The following ANK2 variants were observed in gnomAD, a reference collection of about 807,000 sequenced individuals.
ANK2 encodes ankyrin-2.
ANK2 carries 83 observed loss-of-function variants against 360.5 expected under a neutral mutation model. The observed-to-expected ratio is 0.23, with a 90% CI of 0.19 to 0.28. ANK2 has a LOEUF of 0.28. ANK2 is among the 10% of genes least tolerant of loss of function. The probability of loss-of-function intolerance (pLI) is 1.00; values close to 1 mark genes in which losing one functional copy is unlikely to be tolerated. For missense variants in ANK2, 4,201 were observed against 4,795.7 expected (o/e 0.88, Z 3.66); for synonymous variants, 1,740 against 1,759.5 (o/e 0.99, Z 0.28).
chr4:113,381,806 T>G lies in ANK2; in HGVS notation c.*335T>G, dbSNP rs940761068. ...TTAGTTTTCCCCCATCCTCTTTAAC[T>G]ATAAAGCTAATTTGTGACCAAAGAT... On this transcript the variant is annotated 3_prime_UTR_variant, in exon 46 of 46. Transcript: ENST00000357077. 2 of 611,594 alleles carry G rather than the reference T, an allele frequency of 3.3e-6. No individual in the cohort carries two copies. The highest frequency in any genetic ancestry group is 3.7e-5 in the African/African-American group (2 of 53,712). 37.9% of individuals were successfully genotyped at this position (611,594 alleles called of 1,614,324 possible).
At chr4:112,938,611 C>A (rs1368486967) in intron 2 of ANK2, among the ~76,000 whole-genome samples, 4 of 152,122 alleles carry the variant, frequency 2.6e-5, no homozygotes, top group Non-Finnish European at 5.9e-5. Context: ...AGAATGCATT[C>A]CAGTGGAGGC....
In ANK2 at chr4:113,318,627, A is replaced by G; in HGVS notation, c.2900+7A>G. On this transcript the variant is annotated splice_region_variant and intron_variant, in intron 26 of 45. Coordinates refer to ENST00000357077, the MANE Select transcript of ANK2 (RefSeq NM_001148.6). Reference sequence around the variant, plus strand: ...CTAGTCCTATTCATTCAGGGTGAGTAAATCAATATTATGTATCCTGATCAA... The same window carrying G: ...CTAGTCCTATTCATTCAGGGTGAGTGAATCAATATTATGTATCCTGATCAA... 6.3e-7 allele frequency: 1 copy of G among 1,596,694 alleles called. No homozygotes were observed. The highest frequency in any genetic ancestry group is 1.7e-4 in the Middle Eastern group (1 of 6,034).
At chr4:112,822,867 G>A (rs2057511233) in intron 1 of ANK2, among the ~76,000 whole-genome samples, 1 of 137,004 alleles carries the variant, frequency 7.3e-6, no homozygotes, top group South Asian at 2.4e-4. Context: ...ACCCACAAGA[G>A]ATTTAAAAAA....
the ANK2 span, among the ~76,000 whole-genome samples, chr4:112,718,778 C>T: frequency 6.6e-6 from 1 of 152,278 alleles, no homozygotes; most frequent in South Asian, 2.1e-4. Flanking sequence ...GCTGGGATTA[C>T]AGGCATGTGC....
intron 2 of ANK2, among the ~76,000 whole-genome samples, chr4:113,180,075 G>A (rs1161644091): frequency 6.6e-6 from 1 of 152,202 alleles, no homozygotes; most frequent in Admixed American, 6.5e-5. Flanking sequence ...CAAGGTCGAA[G>A]CACCATTTTC....
chr4:113,140,909 C>T (rs913591293), intron 1 of ANK2, among the ~76,000 whole-genome samples: 2 of 151,470 alleles, frequency 1.3e-5, no homozygotes, highest in African/African-American at 2.4e-5. Context: ...ACCCAGGAGG[C>T]GGAGGTTGCA....
At chr4:113,289,880 T>G (rs564136832) in intron 20 of ANK2, among the ~76,000 whole-genome samples, 1 of 152,308 alleles carries the variant, frequency 6.6e-6, no homozygotes, top group African/African-American at 2.4e-5. Context: ...CATTAGCTCC[T>G]AAAGCCTTTT....
In ANK2 at chr4:113,359,059, A is replaced by G; in HGVS notation, c.10441A>G (p.Ile3481Val). 6.2e-7 allele frequency: 1 copy of G among 1,614,080 alleles called. No homozygotes were observed. The highest frequency in any genetic ancestry group is 2.2e-5 in the East Asian group (1 of 44,876). The change falls in exon 38 of 46, where the codon ATT becomes GTT. Residue 3481 changes from isoleucine (I) to valine (V), a missense_variant. This residue lies in a region of ANK2 where 2,642 missense variants were observed against 2,714.5 expected (regional missense o/e 0.97). Transcript: ENST00000357077. Reference sequence around the variant, plus strand: ...AAATTCCATAGAATTCTTTGAGGAGATTAGTGATGAGGCTTCCAAATTAGT... The same window carrying G: ...AAATTCCATAGAATTCTTTGAGGAGGTTAGTGATGAGGCTTCCAAATTAGT... The part of the protein sequence containing the change: ...YRNSIEFFEE[I>V]SDEASKLVDR...
At chr4:112,941,649 A>G (rs888954460) in intron 2 of ANK2, among the ~76,000 whole-genome samples, 6 of 145,344 alleles carry the variant, frequency 4.1e-5, no homozygotes, top group Non-Finnish European at 6.0e-5. Context: ...ATATATAAAT[A>G]TATAGATATA....
At chr4:113,027,427 GA>G (rs2059516487) in intron 2 of ANK2, among the ~76,000 whole-genome samples, 1 of 152,098 alleles carries the variant, frequency 6.6e-6, no homozygotes, top group Non-Finnish European at 1.5e-5. Flanking sequence ...TCTGAGCCAA[GA>G]GTGTTCTGTG....
chr4:113,332,112 A>G (rs1588403368), intron 28 of ANK2, 42 bp downstream of exon 28: 2 of 1,485,804 alleles, frequency 1.3e-6, no homozygotes, highest in Non-Finnish European at 1.9e-6. Flanking sequence ...CTGGCCCCCC[A>G]TTCTTCTCCT....
At chr4:112,982,895 TTGCAATCTG>T (rs1360370748) in intron 2 of ANK2, among the ~76,000 whole-genome samples, 1 of 152,220 alleles carries the variant, frequency 6.6e-6, no homozygotes, top group Non-Finnish European at 1.5e-5. Context: ...AAAAGCTGTT[TTGCAATCTG>T]TGCAGTAGAA....
At chr4:113,227,483 C>G (rs1250672163) in intron 4 of ANK2, among the ~76,000 whole-genome samples, 1 of 152,160 alleles carries the variant, frequency 6.6e-6, no homozygotes, top group Non-Finnish European at 1.5e-5. Context: ...CTATAACAAA[C>G]TTTTCAAGGC....
intron 2 of ANK2, among the ~76,000 whole-genome samples, chr4:112,950,972 C>T (rs1321357636): frequency 5.5e-5 from 8 of 146,600 alleles, no homozygotes; most frequent in Non-Finnish European, 1.0e-4. Context: ...GTCCCAGCTA[C>T]TTGGGAGGCT....
At chr4:113,348,973 A>G (rs986634898) in intron 36 of ANK2, among the ~76,000 whole-genome samples, 2 of 152,308 alleles carry the variant, frequency 1.3e-5, no homozygotes, top group Admixed American at 6.5e-5. Flanking sequence ...TTTAAGAAGC[A>G]TATAGCTGAT....
At chr4:112,822,332 C>T (rs937680199) in intron 1 of ANK2, among the ~76,000 whole-genome samples, 4 of 147,902 alleles carry the variant, frequency 2.7e-5, no homozygotes, top group African/African-American at 1.0e-4. Context: ...GCAGGAGAAT[C>T]TCTTGAACCT....
chr4:112,918,949 A>C (rs1374587007), intron 2 of ANK2, among the ~76,000 whole-genome samples: 1 of 152,212 alleles, frequency 6.6e-6, no homozygotes, highest in Non-Finnish European at 1.5e-5. Flanking sequence ...GGGTGGTAAT[A>C]TGCTCTGCTT....
chr4:113,195,490 T>C (rs2098734367), intron 2 of ANK2, among the ~76,000 whole-genome samples: 1 of 152,178 alleles, frequency 6.6e-6, no homozygotes, highest in Non-Finnish European at 1.5e-5. Flanking sequence ...AAATAACATT[T>C]TGTAGCATTA....
intron 2 of ANK2, among the ~76,000 whole-genome samples, chr4:112,945,861 A>G (rs908786457): frequency 6.6e-6 from 1 of 152,090 alleles, no homozygotes; most frequent in Non-Finnish European, 1.5e-5. Flanking sequence ...CCTAGAACCC[A>G]TGTTCCTCTG....
Sources: gnomAD v4.1 joint callset for allele counts (sites outside exome capture counted in the v4.1 genomes callset) on GRCh38, gnomAD v4.1.1 for gene constraint, gnomAD v4.1.1 regional missense constraint, MANE v1.5 for transcripts, NCBI Gene and HGNC (gene_info 2026-07-23, HGNC 2026-07-21) for gene names.